The following BTAF1 variants were observed in gnomAD, a reference collection of about 807,000 sequenced individuals.
The protein encoded by BTAF1 is B-TFIID TATA-box binding protein associated factor 1.
BTAF1 carries 38 observed loss-of-function variants against 227.1 expected under a neutral mutation model. The observed-to-expected ratio is 0.17, with a 90% CI of 0.13 to 0.22. The LOEUF is 0.22. Ranked by LOEUF, BTAF1 falls within the 10% of genes least tolerant of loss-of-function variation. BTAF1 has a pLI of 1.00. For synonymous variants in BTAF1, 742 were observed against 751.9 expected (o/e 0.99, Z 0.21); for missense variants, 1,598 against 2,204.0 (o/e 0.73, Z 5.51).
At chr10:91,938,180 A>G (rs1432872779) in intron 2 of BTAF1, among the ~76,000 whole-genome samples, 1 of 152,246 alleles carries the variant, frequency 6.6e-6, no homozygotes, top group Non-Finnish European at 1.5e-5. Flanking sequence ...AGTTCTTCAT[A>G]TGGTATAGTT....
chr10:91,965,710 G>T (rs1156783734), intron 13 of BTAF1, among the ~76,000 whole-genome samples: 2 of 152,120 alleles, frequency 1.3e-5, no homozygotes, highest in Non-Finnish European at 2.9e-5. Context: ...CATTTAACAA[G>T]ACTTTGTTAT....
chr10:92,024,301 T>C (rs991650567), intron 34 of BTAF1, among the ~76,000 whole-genome samples: 2 of 152,230 alleles, frequency 1.3e-5, no homozygotes, highest in Non-Finnish European at 2.9e-5. Context: ...CCAGTTTGTC[T>C]GCGGCATCTT....
chr10:91,982,838 A>G, intron 18 of BTAF1, 77 bp downstream of exon 18: 1 of 1,383,360 alleles, frequency 7.2e-7, no homozygotes, highest in Non-Finnish European at 9.6e-7. Flanking sequence ...TATTTACAAC[A>G]GAAAAGTGAA....
chr10:92,001,850 C>T (rs766002110), intron 25 of BTAF1, among the ~76,000 whole-genome samples: 3 of 151,262 alleles, frequency 2.0e-5, no homozygotes, highest in South Asian at 2.1e-4. Flanking sequence ...CAGTAGTTCA[C>T]CTCTGTAACA....
rs750155760 is a variant in BTAF1 at position 91,924,107 on chromosome 10, A to T, written c.14+17A>T. ...GGTCTCCAGGTGGGTCTTGCTCCTG[A>T]CGAGCAAACTGGAAGGCGATTCAGG... On this transcript the variant is annotated intron_variant, in intron 1 of 37. Transcript: ENST00000265990. 26 of 1,606,388 alleles carry T rather than the reference A, an allele frequency of 1.6e-5. No individual in the cohort carries two copies. The East Asian group carries it at 5.9e-4, about 36-fold the overall frequency.
intron 2 of BTAF1, 45 bp downstream of exon 2, chr10:91,935,825 C>A: frequency 6.9e-7 from 1 of 1,450,818 alleles, no homozygotes; most frequent in Non-Finnish European, 9.3e-7. Flanking sequence ...ATTGTAGAGA[C>A]TTATTCATGG....
chr10:91,967,342 A>G (rs1398642683), intron 14 of BTAF1, among the ~76,000 whole-genome samples: 2 of 152,224 alleles, frequency 1.3e-5, no homozygotes, highest in African/African-American at 4.8e-5. Context: ...CCCTGTTTAT[A>G]AAAGGCTTCA....
chr10:91,979,558 A>G (rs1847934005), intron 14 of BTAF1, among the ~76,000 whole-genome samples: 2 of 152,070 alleles, frequency 1.3e-5, no homozygotes, highest in South Asian at 4.1e-4. Context: ...AAAATTTCCA[A>G]ATTTCTCTTA....
chr10:92,007,309 C>T (rs1849989089), intron 25 of BTAF1, among the ~76,000 whole-genome samples: 1 of 146,934 alleles, frequency 6.8e-6, no homozygotes, highest in African/African-American at 2.5e-5. Flanking sequence ...ACATCTACCT[C>T]CCAGGTTCAA....
At chr10:91,932,859 A>G (rs1212481945) in intron 1 of BTAF1, among the ~76,000 whole-genome samples, 1 of 152,254 alleles carries the variant, frequency 6.6e-6, no homozygotes, top group Non-Finnish European at 1.5e-5. Context: ...TTGTTAGAGA[A>G]GCAAGCTCAG....
At chr10:91,994,084 T>C (rs1848983881) in intron 22 of BTAF1, among the ~76,000 whole-genome samples, 1 of 152,072 alleles carries the variant, frequency 6.6e-6, no homozygotes, top group South Asian at 2.1e-4. Context: ...GAGGCCCAGG[T>C]GGGCAGATCA....
intron 33 of BTAF1, 23 bp from the exon 34 acceptor site, chr10:92,018,759 TA>T: frequency 1.4e-6 from 2 of 1,463,576 alleles, no homozygotes; most frequent in Non-Finnish European, 1.8e-6. Context: ...TTGACTCATA[TA>T]TACTTTTTTT....
At chr10:91,956,129 T>C (rs1404848240) in intron 6 of BTAF1, among the ~76,000 whole-genome samples, 1 of 152,194 alleles carries the variant, frequency 6.6e-6, no homozygotes. Context: ...TATACTGTAT[T>C]GCTCAGTATA....
chr10:92,005,419 T>C (rs1198326100), intron 25 of BTAF1, among the ~76,000 whole-genome samples: 1 of 152,208 alleles, frequency 6.6e-6, no homozygotes, highest in East Asian at 1.9e-4. Context: ...ATGGACATTT[T>C]AACAATATTA....
At chr10:91,952,126 G>C (rs1845805597) in intron 5 of BTAF1, among the ~76,000 whole-genome samples, 1 of 151,444 alleles carries the variant, frequency 6.6e-6, no homozygotes, top group Admixed American at 6.6e-5. Flanking sequence ...ATGTGTTTGT[G>C]TGTGTGTATA....
chr10:91,939,873 A>G (rs900135286), intron 2 of BTAF1, 79 bp from the exon 3 acceptor site: 27 of 850,796 alleles, frequency 3.2e-5, no homozygotes, highest in Non-Finnish European at 4.1e-5. Flanking sequence ...AATAACAAGT[A>G]AATTTGTATT....
intron 12 of BTAF1, 40 bp from the exon 13 acceptor site, chr10:91,964,037 G>T: frequency 1.2e-6 from 2 of 1,608,062 alleles, no homozygotes; most frequent in Non-Finnish European, 1.7e-6. Context: ...TGAGTATTTT[G>T]TGCAAAATTG....
rs527682273 is a variant in BTAF1, at chr10:91,989,180, A to T, written c.2454A>T (p.Thr818=). 49 of 1,613,584 alleles carry T rather than the reference A, an allele frequency of 3.0e-5. No homozygotes were observed. In the East Asian group the frequency reaches 1.0e-3, roughly 33 times the overall value. The change falls in exon 20 of 38, where the codon ACA becomes ACT. Residue 818 remains threonine (T), a synonymous_variant. Coordinates refer to ENST00000265990, the MANE Select transcript of BTAF1 (RefSeq NM_003972.3). Reference sequence around the variant, plus strand: ...TCACTACTGTTTTTAATGAAGCCACATCATCTTTCGATTTAAATCCTCAAG... The same window carrying T: ...TCACTACTGTTTTTAATGAAGCCACTTCATCTTTCGATTTAAATCCTCAAG... ...DLVTTVFNEA[T]SSFDLNPQVL...
At chr10:91,982,349 T>C (rs766377742) in intron 17 of BTAF1, 124 bp downstream of exon 17, 15 of 1,328,182 alleles carry the variant, frequency 1.1e-5, no homozygotes, top group African/African-American at 1.5e-5. Flanking sequence ...ACACTAATTA[T>C]AGCCTAAGGA....
Sources: gnomAD v4.1 joint callset for allele counts (sites outside exome capture counted in the v4.1 genomes callset) on GRCh38, gnomAD v4.1.1 for gene constraint, MANE v1.5 for transcripts, NCBI Gene and HGNC (gene_info 2026-07-23, HGNC 2026-07-21) for gene names.